PIP4K2A: variants seen among roughly 807,000 people sequenced by gnomAD.
The protein encoded by PIP4K2A is phosphatidylinositol 5-phosphate 4-kinase type-2 alpha.
In PIP4K2A, 14 loss-of-function variants were observed where a neutral mutation model predicts 42.9. That is an observed-to-expected ratio of 0.33 (90% CI 0.22 to 0.51). The LOEUF is 0.51. Among genes scored for constraint, PIP4K2A ranks in the 20% least tolerant of loss-of-function variants. The probability of loss-of-function intolerance (pLI) is 0.97; values close to 1 mark genes in which losing one functional copy is unlikely to be tolerated. For missense variants in PIP4K2A, 434 were observed against 519.8 expected (o/e 0.83, Z 1.61); for synonymous variants, 192 against 192.2 (o/e 1.00, Z 0.01).
chr10:22,635,897 C>T (rs1838651784), intron 1 of PIP4K2A, among the ~76,000 whole-genome samples: 1 of 152,094 alleles, frequency 6.6e-6, no homozygotes, highest in South Asian at 2.1e-4. Flanking sequence ...AAAGAGAAGT[C>T]GACTTAGGGT....
At chr10:22,601,456 G>A (rs1280556482) in intron 3 of PIP4K2A, among the ~76,000 whole-genome samples, 2 of 152,188 alleles carry the variant, frequency 1.3e-5, no homozygotes, top group African/African-American at 2.4e-5. Context: ...TCTATCAAGA[G>A]GCTGTCCAAT....
chr10:22,648,525 T>C (rs903689683), intron 1 of PIP4K2A, among the ~76,000 whole-genome samples: 7 of 152,256 alleles, frequency 4.6e-5, no homozygotes, highest in Non-Finnish European at 8.8e-5. Flanking sequence ...CTTTTCCAAG[T>C]ATTTTCCTCA....
chr10:22,569,461 C>T (rs1332416440), intron 5 of PIP4K2A, among the ~76,000 whole-genome samples: 2 of 152,352 alleles, frequency 1.3e-5, no homozygotes, highest in Non-Finnish European at 1.5e-5. Flanking sequence ...CCATGGTCTA[C>T]TTTCCTTCCT....
intron 3 of PIP4K2A, among the ~76,000 whole-genome samples, chr10:22,605,813 G>A (rs1837894203): frequency 6.7e-6 from 1 of 148,440 alleles, no homozygotes; most frequent in African/African-American, 2.5e-5. Flanking sequence ...ATTTTCTTAA[G>A]ACACTGAAGC....
chr10:22,685,843 G>A (rs1449365231), intron 1 of PIP4K2A, among the ~76,000 whole-genome samples: 1 of 152,198 alleles, frequency 6.6e-6, no homozygotes. Context: ...AGGCCATGAG[G>A]TCAGCAGACA....
chr10:22,585,000 C>T (rs190916237), intron 4 of PIP4K2A, among the ~76,000 whole-genome samples: 254 of 152,258 alleles, frequency 1.7e-3, no homozygotes, highest in African/African-American at 5.3e-3. Flanking sequence ...GGTAGAAAGG[C>T]GGCCTCCACA....
intron 4 of PIP4K2A, among the ~76,000 whole-genome samples, chr10:22,578,569 C>T (rs917641095): frequency 2.0e-5 from 3 of 152,262 alleles, no homozygotes; most frequent in African/African-American, 7.2e-5. Flanking sequence ...CTCTACATGC[C>T]CATTGTCAGG....
intron 4 of PIP4K2A, among the ~76,000 whole-genome samples, chr10:22,574,163 A>T (rs573656032): frequency 2.8e-5 from 4 of 141,588 alleles, no homozygotes; most frequent in African/African-American, 1.1e-4. Flanking sequence ...CACAAGATGG[A>T]GCCACTTCTC....
intron 1 of PIP4K2A, among the ~76,000 whole-genome samples, chr10:22,700,377 G>C (rs1833691477): frequency 6.6e-6 from 1 of 152,154 alleles, no homozygotes; most frequent in South Asian, 2.1e-4. Context: ...AATCTATAAG[G>C]GGACTTTATA....
chr10:22,547,174 T>A (rs1407529494), intron 7 of PIP4K2A, among the ~76,000 whole-genome samples: 2 of 152,214 alleles, frequency 1.3e-5, no homozygotes, highest in African/African-American at 4.8e-5. Flanking sequence ...TTCTACCACA[T>A]CACCATCTCC....
chr10:22,573,130 C>T (rs534818019), intron 5 of PIP4K2A, among the ~76,000 whole-genome samples, 181 bp downstream of exon 5: 3 of 152,136 alleles, frequency 2.0e-5, no homozygotes, highest in Non-Finnish European at 4.4e-5. Context: ...TAACATGTGC[C>T]AGTGTTTTTT....
In PIP4K2A at chr10:22,606,505, G is replaced by C. The variant is rs566015869; in HGVS notation, c.339+1422C>G. Among the ~76,000 whole-genome samples the C allele has an allele frequency of 3.3e-5, 5 of 152,292 alleles. No homozygotes were observed. The East Asian group carries it at 9.6e-4, about 29-fold the overall frequency. Reference sequence around the variant, plus strand: ...ATGAGACAATGTCACCGGCAGCCTGGTCAGCGCTGCTTTCTCCAAACATGG... The same window carrying C: ...ATGAGACAATGTCACCGGCAGCCTGCTCAGCGCTGCTTTCTCCAAACATGG... On this transcript the variant is annotated intron_variant, in intron 3 of 9. Transcript: ENST00000376573.
intron 1 of PIP4K2A, among the ~76,000 whole-genome samples, chr10:22,709,244 T>C (rs1232260367): frequency 1.3e-5 from 2 of 152,372 alleles, no homozygotes; most frequent in East Asian, 3.9e-4. Flanking sequence ...TGAATCCTTA[T>C]GATGTGCTAA....
chr10:22,599,990 G>C (rs1223746549), intron 3 of PIP4K2A, among the ~76,000 whole-genome samples: 1 of 150,098 alleles, frequency 6.7e-6, no homozygotes. Context: ...TATTTCCGCA[G>C]TCGGAGGTCC....
chr10:22,579,745 C>T (rs750425696), intron 4 of PIP4K2A, among the ~76,000 whole-genome samples: 21 of 151,832 alleles, frequency 1.4e-4, no homozygotes, highest in Non-Finnish European at 2.5e-4. Context: ...CCCGCCTCTA[C>T]TAAACATATA....
At chr10:22,619,729 G>A (rs1381959157) in intron 1 of PIP4K2A, among the ~76,000 whole-genome samples, 9 of 152,136 alleles carry the variant, frequency 5.9e-5, no homozygotes, top group Non-Finnish European at 1.2e-4. Context: ...GAGCCAACAC[G>A]CCCAGCTAAT....
intron 7 of PIP4K2A, among the ~76,000 whole-genome samples, chr10:22,542,519 T>C (rs911416007): frequency 2.0e-5 from 3 of 152,216 alleles, no homozygotes; most frequent in East Asian, 1.9e-4. Context: ...TGTTACGCTG[T>C]TGTAAATAAG....
intron 1 of PIP4K2A, among the ~76,000 whole-genome samples, chr10:22,695,332 A>C (rs1256926239): frequency 6.6e-6 from 1 of 152,250 alleles, no homozygotes; most frequent in African/African-American, 2.4e-5. Context: ...TATTGAGAGC[A>C]CATGCTCCGA....
At chr10:22,649,564 A>G (rs1430230478) in intron 1 of PIP4K2A, among the ~76,000 whole-genome samples, 2 of 152,196 alleles carry the variant, frequency 1.3e-5, no homozygotes, top group Admixed American at 6.5e-5. Context: ...AGCTAATAAA[A>G]TAACTAGTGG....
Sources: gnomAD v4.1 joint callset for allele counts (sites outside exome capture counted in the v4.1 genomes callset) on GRCh38, gnomAD v4.1.1 for gene constraint, MANE v1.5 for transcripts, NCBI Gene and HGNC (gene_info 2026-07-23, HGNC 2026-07-21) for gene names.